CAB39: variants seen among roughly 807,000 people sequenced by gnomAD.
CAB39 encodes calcium-binding protein 39.
A neutral mutation model predicts 40.0 loss-of-function variants in CAB39; 8 were observed. The observed-to-expected ratio is 0.20, with a 90% CI of 0.12 to 0.36. The LOEUF (loss-of-function observed/expected upper bound fraction) is 0.36, where lower values mean the gene tolerates loss of function less well. CAB39 is among the 10% of genes least tolerant of loss of function. The pLI is 1.00. For missense variants in CAB39, 270 were observed against 401.1 expected (o/e 0.67, Z 2.79); for synonymous variants, 156 against 141.6 (o/e 1.10, Z -0.72).
At chr2:230,786,058 G>T (rs948836290) in intron 2 of CAB39, among the ~76,000 whole-genome samples, 1 of 150,818 alleles carries the variant, frequency 6.6e-6, no homozygotes, top group African/African-American at 2.4e-5. Context: ...CAGCTACTGG[G>T]GAGGCTGAGG....
intron 2 of CAB39, among the ~76,000 whole-genome samples, chr2:230,762,299 A>T (rs1695309570): frequency 6.6e-6 from 1 of 152,186 alleles, no homozygotes; most frequent in Non-Finnish European, 1.5e-5. Flanking sequence ...AGCTCCAGAA[A>T]CTAGAAACAA....
At chr2:230,748,777 A>G (rs1695019782) in intron 1 of CAB39, among the ~76,000 whole-genome samples, 2 of 140,948 alleles carry the variant, frequency 1.4e-5, no homozygotes, top group Admixed American at 1.5e-4. Flanking sequence ...ACTGCACTCC[A>G]GCCTGGGCAA....
chr2:230,773,108 C>T (rs1323642187), intron 2 of CAB39, among the ~76,000 whole-genome samples: 1 of 151,360 alleles, frequency 6.6e-6, no homozygotes, highest in Non-Finnish European at 1.5e-5. Flanking sequence ...TTGCACAAAA[C>T]TCTAGAAAAC....
intron 1 of CAB39, among the ~76,000 whole-genome samples, chr2:230,759,598 A>G (rs1409163051): frequency 6.6e-6 from 1 of 152,204 alleles, no homozygotes; most frequent in East Asian, 1.9e-4. Context: ...TCATGAAATG[A>G]TGAGTTCTAG....
At position 230,810,243 on chromosome 2, in the gene CAB39, ATT is replaced by A; in HGVS notation, c.568-12_568-11del. ...AAAACTTGGAGAACAACTGTAAACA[ATT>A]TTTTTTTCTTTTTGTAGGATTTACT... On this transcript the variant is annotated intron_variant, in intron 5 of 8. Coordinates refer to ENST00000258418, the MANE Select transcript of CAB39 (RefSeq NM_016289.4). The A allele has an allele frequency of 7.9e-7, 1 of 1,263,468 alleles. No homozygotes were observed. Among genetic ancestry groups the A allele is most frequent in the Non-Finnish European group, 1.1e-6 (1 of 899,272 alleles). 78.3% of individuals were successfully genotyped at this position (1,263,468 alleles called of 1,614,324 possible). A position where few individuals can be genotyped will look rare whatever the true frequency, so the allele number is the denominator to read the frequency against.
intron 1 of CAB39, among the ~76,000 whole-genome samples, chr2:230,732,214 T>C (rs1694704621): frequency 6.6e-6 from 1 of 152,136 alleles, no homozygotes; most frequent in African/African-American, 2.4e-5. Context: ...CCCAAGTAGC[T>C]GGGACTACAG....
intron 1 of CAB39, among the ~76,000 whole-genome samples, chr2:230,715,206 A>T (rs1490061331): frequency 6.6e-6 from 1 of 152,212 alleles, no homozygotes; most frequent in East Asian, 1.9e-4. Context: ...CAACAATGGA[A>T]GTCTTCTAAG....
chr2:230,762,335 C>A (rs1486870521), intron 2 of CAB39, among the ~76,000 whole-genome samples: 1 of 152,210 alleles, frequency 6.6e-6, no homozygotes, highest in Non-Finnish European at 1.5e-5. Flanking sequence ...TTAGAGGGGA[C>A]TTTTGACTGA....
At chr2:230,791,231 A>T (rs1207878715) in intron 3 of CAB39, among the ~76,000 whole-genome samples, 195 bp downstream of exon 3, 1 of 152,146 alleles carries the variant, frequency 6.6e-6, no homozygotes, top group Non-Finnish European at 1.5e-5. Flanking sequence ...CAGGCTTGGG[A>T]CAGGGTTCTT....
intron 2 of CAB39, among the ~76,000 whole-genome samples, chr2:230,784,075 G>T (rs1695744969): frequency 6.6e-6 from 1 of 152,172 alleles, no homozygotes; most frequent in Non-Finnish European, 1.5e-5. Flanking sequence ...ATTAATCTAG[G>T]CAAGAGTTAT....
Position 230,819,000 on chromosome 2 carries a change from G to T in CAB39, c.*296G>T, listed in dbSNP as rs1183044026. ...TGAAGGCAAATGTATGGATGAGAGT[G>T]TGGTTTAGGAAAGAGGGCACTGATA... is the stretch of plus-strand genomic sequence containing the variant. On this transcript the variant is annotated 3_prime_UTR_variant, in exon 9 of 9. Coordinates refer to ENST00000258418, the MANE Select transcript of CAB39 (RefSeq NM_016289.4). 2 of 290,268 alleles carry T rather than the reference G, an allele frequency of 6.9e-6. No homozygotes were observed. Among genetic ancestry groups the T allele is most frequent in the South Asian group, 3.7e-5 (1 of 27,060 alleles). The allele number at this position is 290,268 out of a possible 1,614,324, so 18.0% of individuals were successfully genotyped here.
At chr2:230,759,923 AG>A in intron 1 of CAB39, 35 bp from the exon 2 acceptor site, 1 of 693,208 alleles carries the variant, frequency 1.4e-6, no homozygotes. Flanking sequence ...CGTTGATCCC[AG>A]TGTTTGCTCA....
chr2:230,744,101 A>C (rs1028505572), intron 1 of CAB39, among the ~76,000 whole-genome samples: 4 of 151,748 alleles, frequency 2.6e-5, no homozygotes, highest in Admixed American at 2.0e-4. Context: ...TTAAATTTTT[A>C]GTAGAAACGG....
At chr2:230,722,087 A>G (rs79604833) in intron 1 of CAB39, among the ~76,000 whole-genome samples, 2,225 of 148,754 alleles carry the variant, frequency 0.015, 55 homozygotes, top group African/African-American at 0.051. Flanking sequence ...GAGAAATTAT[A>G]TTTTTGACCA....
At chr2:230,738,527 T>G (rs1348154929) in intron 1 of CAB39, among the ~76,000 whole-genome samples, 1 of 152,186 alleles carries the variant, frequency 6.6e-6, no homozygotes, top group Non-Finnish European at 1.5e-5. Flanking sequence ...ATATGTTGAT[T>G]GGTTAGGAAA....
At chr2:230,784,293 A>G (rs987881083) in intron 2 of CAB39, among the ~76,000 whole-genome samples, 1 of 152,192 alleles carries the variant, frequency 6.6e-6, no homozygotes, top group African/African-American at 2.4e-5. Flanking sequence ...CTTGAGTTCT[A>G]TTTTAGATGT....
chr2:230,816,469 C>A (rs1273658195), intron 7 of CAB39, among the ~76,000 whole-genome samples: 1 of 152,192 alleles, frequency 6.6e-6, no homozygotes, highest in African/African-American at 2.4e-5. Flanking sequence ...TCAGTTTTTC[C>A]TATGAGTTCC....
chr2:230,756,421 C>T (rs915200191), intron 1 of CAB39, among the ~76,000 whole-genome samples: 3 of 152,164 alleles, frequency 2.0e-5, no homozygotes, highest in African/African-American at 7.2e-5. Context: ...CAATCATTGA[C>T]TGAAACCTCA....
chr2:230,759,376 G>C (rs192120224), intron 1 of CAB39, among the ~76,000 whole-genome samples: 1 of 152,302 alleles, frequency 6.6e-6, no homozygotes, highest in East Asian at 1.9e-4. Context: ...GCTGTTGCTA[G>C]TGCTGTTTGG....
Sources: gnomAD v4.1 joint callset for allele counts (sites outside exome capture counted in the v4.1 genomes callset) on GRCh38, gnomAD v4.1.1 for gene constraint, MANE v1.5 for transcripts, NCBI Gene and HGNC (gene_info 2026-07-23, HGNC 2026-07-21) for gene names.